Variants in DYM observed in about 807,000 individuals in gnomAD.
DYM encodes the protein dymeclin.
DYM carries 78 observed loss-of-function variants against 93.1 expected under a neutral mutation model. The observed-to-expected ratio is 0.84, with a 90% CI of 0.70 to 1.01. DYM has a LOEUF of 1.01. DYM is among the 50% of genes least tolerant of loss of function. The probability of loss-of-function intolerance (pLI) is 0.00; values close to 1 mark genes in which losing one functional copy is unlikely to be tolerated. For missense variants in DYM, 789 were observed against 845.0 expected, an observed-to-expected ratio of 0.93 and a Z score of 0.82; for synonymous variants, 321 against 319.7, an observed-to-expected ratio of 1.00 and a Z score of -0.04.
At chr18:49,078,956 A>G (rs1052208743) in intron 17 of DYM, among the ~76,000 whole-genome samples, 2 of 152,188 alleles carry the variant, frequency 1.3e-5, no homozygotes, top group African/African-American at 2.4e-5. Context: ...TTGTTCCCGC[A>G]TAAGGGAATT....
At chr18:49,435,034 C>T (rs2080700388) in intron 1 of DYM, among the ~76,000 whole-genome samples, 1 of 151,628 alleles carries the variant, frequency 6.6e-6, no homozygotes, top group Non-Finnish European at 1.5e-5. Flanking sequence ...GTGGTAAAAC[C>T]TCATCTCTAC....
chr18:49,355,136 C>A (rs960593002), intron 6 of DYM, among the ~76,000 whole-genome samples: 1 of 151,922 alleles, frequency 6.6e-6, no homozygotes, highest in Admixed American at 6.6e-5. Flanking sequence ...ATCCTTTGAT[C>A]TACTCTGTAC....
At chr18:49,403,831 T>C (rs1159324211) in intron 2 of DYM, among the ~76,000 whole-genome samples, 1 of 152,110 alleles carries the variant, frequency 6.6e-6, no homozygotes, top group Non-Finnish European at 1.5e-5. Flanking sequence ...TGTAAGAACA[T>C]GCAGTATTTG....
intron 8 of DYM, among the ~76,000 whole-genome samples, chr18:49,289,733 A>G (rs908858324): frequency 0.2 from 3,045 of 15,226 alleles, 119 homozygotes; most frequent in East Asian, 0.28. Flanking sequence ...ATGTGTATAT[A>G]TATATATATA....
chr18:49,096,578 A>G (rs1844143705), intron 17 of DYM, among the ~76,000 whole-genome samples: 1 of 152,228 alleles, frequency 6.6e-6, no homozygotes, highest in Admixed American at 6.5e-5. Context: ...AGAAAAAACT[A>G]AAAAGAACAG....
At chr18:49,254,394 TATTA>T (rs2145067749) in intron 13 of DYM, among the ~76,000 whole-genome samples, 1 of 151,412 alleles carries the variant, frequency 6.6e-6, no homozygotes, top group South Asian at 2.1e-4. Flanking sequence ...CAGGAAACTT[TATTA>T]TTTATTTTGA....
In DYM at chr18:49,209,730, T is replaced by A; in HGVS notation, c.1461-15A>T. 1 of 1,237,442 alleles carries A rather than the reference T, an allele frequency of 8.1e-7. No individual in the cohort carries two copies. Among genetic ancestry groups the A allele is most frequent in the Non-Finnish European group, 1.0e-6 (1 of 960,098 alleles). 76.7% of individuals were successfully genotyped at this position (1,237,442 alleles called of 1,614,324 possible). ...GGCAGGTATAACTGAAAGACAAAGG[T>A]AAAAGGAGAGAAACAGAAAGAGAGG... On this transcript the variant is annotated splice_polypyrimidine_tract_variant and intron_variant, in intron 13 of 17. Transcript: ENST00000675505.
chr18:49,335,647 C>T (rs1463997694), intron 6 of DYM, among the ~76,000 whole-genome samples: 1 of 152,046 alleles, frequency 6.6e-6, no homozygotes, highest in Non-Finnish European at 1.5e-5. Context: ...AAACATAGCC[C>T]ACGCCTGTCT....
rs773956935 is a variant in DYM, at chr18:49,286,622, G to A, written c.764-6C>T. 3 of 1,613,528 alleles carry A rather than the reference G, an allele frequency of 1.9e-6. No individual in the cohort carries two copies. The Admixed American group carries it at 5.0e-5, about 27-fold the overall frequency. On this transcript the variant is annotated splice_polypyrimidine_tract_variant and splice_region_variant and intron_variant, in intron 8 of 17. Coordinates refer to ENST00000675505, the MANE Select transcript of DYM (RefSeq NM_001353214.3). ...GAAGACAGTCCAGAGTCCTGCTGGG[G>A]AGGAAAACACCCTGTTAGGATGTGC...
chr18:49,428,319 G>T (rs2074489947), intron 2 of DYM, among the ~76,000 whole-genome samples: 1 of 152,026 alleles, frequency 6.6e-6, no homozygotes, highest in South Asian at 2.1e-4. Flanking sequence ...AAAGAAGCCA[G>T]TCACAAAAGA....
chr18:49,449,931 A>T (rs2082383112), intron 1 of DYM, among the ~76,000 whole-genome samples: 1 of 152,204 alleles, frequency 6.6e-6, no homozygotes, highest in East Asian at 1.9e-4. Flanking sequence ...CTAAAGTAAA[A>T]GTTGCTGAGA....
intron 1 of DYM, among the ~76,000 whole-genome samples, chr18:49,439,369 A>T (rs1042738688): frequency 6.6e-6 from 1 of 152,184 alleles, no homozygotes; most frequent in Non-Finnish European, 1.5e-5. Context: ...TGATTCTATC[A>T]TTCCTCCCTG....
At chr18:49,272,772 C>T (rs2094741271) in intron 10 of DYM, among the ~76,000 whole-genome samples, 1 of 152,038 alleles carries the variant, frequency 6.6e-6, no homozygotes, top group Non-Finnish European at 1.5e-5. Context: ...TCTTGGAACC[C>T]AAGGTGCATT....
chr18:49,295,357 C>G (rs1448515943), intron 8 of DYM, among the ~76,000 whole-genome samples: 1 of 152,178 alleles, frequency 6.6e-6, no homozygotes, highest in Non-Finnish European at 1.5e-5. Flanking sequence ...ATTTCCCAGT[C>G]TTTCTTGAAG....
intron 15 of DYM, among the ~76,000 whole-genome samples, chr18:49,138,096 T>C (rs1329227029): frequency 6.6e-6 from 1 of 152,148 alleles, no homozygotes; most frequent in Non-Finnish European, 1.5e-5. Context: ...GGGGTTTTTC[T>C]TTTTTTATGT....
chr18:49,095,931 G>C (rs2079505403), intron 17 of DYM, among the ~76,000 whole-genome samples: 2 of 151,954 alleles, frequency 1.3e-5, no homozygotes, highest in South Asian at 4.2e-4. Context: ...GTTCTTGACT[G>C]AGCTTACACA....
At chr18:49,227,134 C>T (rs868369907) in intron 13 of DYM, among the ~76,000 whole-genome samples, 2 of 152,128 alleles carry the variant, frequency 1.3e-5, no homozygotes, top group Non-Finnish European at 2.9e-5. Context: ...ACATTCAGCA[C>T]ATTTTATGAT....
chr18:49,237,176 G>C (rs905520234), intron 13 of DYM, among the ~76,000 whole-genome samples: 1 of 152,164 alleles, frequency 6.6e-6, no homozygotes, highest in African/African-American at 2.4e-5. Context: ...CGGCTGGCAA[G>C]AAATGGAGGT....
chr18:49,354,824 G>A (rs1255739995), intron 6 of DYM, among the ~76,000 whole-genome samples: 1 of 152,104 alleles, frequency 6.6e-6, no homozygotes, highest in African/African-American at 2.4e-5. Context: ...TTCATTACTG[G>A]TGGGAATGGC....
Sources: gnomAD v4.1 joint callset for allele counts (sites outside exome capture counted in the v4.1 genomes callset) on GRCh38, gnomAD v4.1.1 for gene constraint, MANE v1.5 for transcripts, NCBI Gene and HGNC (gene_info 2026-07-23, HGNC 2026-07-21) for gene names.